Variants in PAX8 observed in about 807,000 individuals in gnomAD.
The protein encoded by PAX8 is paired box protein Pax-8.
Under a neutral mutation model 52.4 loss-of-function variants are expected in PAX8, and 15 were observed. The ratio of observed to expected loss-of-function variants is 0.29; its 90% CI spans 0.19 to 0.44. The LOEUF (loss-of-function observed/expected upper bound fraction) is 0.44, where lower values mean the gene tolerates loss of function less well. Ranked by LOEUF, PAX8 falls within the 20% of genes least tolerant of loss-of-function variation. PAX8 has a pLI of 1.00. For synonymous variants in PAX8, 284 were observed against 249.7 expected (o/e 1.14, Z -1.29); for missense variants, 554 against 602.5 (o/e 0.92, Z 0.84).
chr2:113,251,380 A>AG (rs1691750366), intron 2 of PAX8, among the ~76,000 whole-genome samples: 2 of 141,822 alleles, frequency 1.4e-5, no homozygotes, highest in Non-Finnish European at 3.0e-5. Flanking sequence ...AAGTGGGGTG[A>AG]GGGGGGAAGG....
At chr2:113,250,487 T>C (rs769157978) in intron 2 of PAX8, among the ~76,000 whole-genome samples, 1 of 152,212 alleles carries the variant, frequency 6.6e-6, no homozygotes, top group Non-Finnish European at 1.5e-5. Flanking sequence ...AAATACAGAG[T>C]ACTGAGCACA....
chr2:113,275,503 C>A (rs1346441092), intron 2 of PAX8: 1 of 152,220 alleles, frequency 6.6e-6, no homozygotes, highest in Non-Finnish European at 1.5e-5. Context: ...GGCTTTAGAT[C>A]TCACATCAGG....
At chr2:113,229,157 A>G (rs1689749650) in intron 9 of PAX8, among the ~76,000 whole-genome samples, 1 of 152,180 alleles carries the variant, frequency 6.6e-6, no homozygotes, top group Admixed American at 6.5e-5. Flanking sequence ...CCCTTCCTCT[A>G]GAGGGCAGGG....
rs1223905882 is a variant in PAX8, at chr2:113,218,609, C to T, written c.1277G>A (p.Ser426Asn). Residue 426 changes from serine to asparagine, a missense_variant and splice_region_variant, in exon 12 of 12, where the codon AGT (serine) becomes AAT (asparagine). Physicochemically the swap from Ser to Asn is conservative, Grantham distance 46. Around this residue, in one of 2 missense-constraint regions of PAX8, gnomAD observed 445 missense variants for 409.9 expected, o/e 1.09. Coordinates refer to ENST00000429538, the MANE Select transcript of PAX8 (RefSeq NM_003466.4). ...AWRFPNSSLL[S>N]SPYYYSSTSR... ...TGTGGAACTGTAATAATATGGGGAACCTGGACACATTAAAAAAAAATAACA... is the reference window on the plus strand; with the variant it reads ...TGTGGAACTGTAATAATATGGGGAATCTGGACACATTAAAAAAAAATAACA... 2 of 1,550,876 alleles carry T rather than the reference C, an allele frequency of 1.3e-6. No homozygotes were observed. Among genetic ancestry groups the T allele is most frequent in the Admixed American group, 3.9e-5 (2 of 51,502 alleles).
intron 9 of PAX8, among the ~76,000 whole-genome samples, chr2:113,229,691 G>C (rs1440539615): frequency 1.3e-5 from 2 of 152,206 alleles, no homozygotes; most frequent in South Asian, 2.1e-4. Flanking sequence ...GAAATATGCA[G>C]AAGCTATACT....
intron 10 of PAX8, among the ~76,000 whole-genome samples, chr2:113,221,978 C>A (rs542395465): frequency 6.6e-6 from 1 of 151,958 alleles, no homozygotes; most frequent in Non-Finnish European, 1.5e-5. Flanking sequence ...GAAAAAAAAA[C>A]CTAAGAAATA....
intron 2 of PAX8, chr2:113,272,856 T>A (rs1693556555): frequency 6.6e-6 from 1 of 152,288 alleles, no homozygotes; most frequent in East Asian, 1.9e-4. Flanking sequence ...TCTTAGAGGG[T>A]GTTTTCAATA....
chr2:113,276,670 A>G (rs1171039562), intron 2 of PAX8: 2 of 152,146 alleles, frequency 1.3e-5, no homozygotes, highest in Non-Finnish European at 2.9e-5. Context: ...CGAAAAAAAA[A>G]AAAAGCTCAT....
intron 3 of PAX8, 34 bp from the exon 4 acceptor site, chr2:113,244,658 A>T: frequency 6.3e-7 from 1 of 1,586,652 alleles, no homozygotes; most frequent in Non-Finnish European, 8.7e-7. Flanking sequence ...GAATTACCCA[A>T]TAAGCAGGTG....
At chr2:113,273,354 T>C (rs547253388) in intron 2 of PAX8, 1 of 152,346 alleles carries the variant, frequency 6.6e-6, no homozygotes, top group African/African-American at 2.4e-5. Context: ...CAGGGAGTCT[T>C]CTTGCGGCCC....
chr2:113,249,099 T>C (rs1242272733), intron 2 of PAX8, among the ~76,000 whole-genome samples: 2 of 152,132 alleles, frequency 1.3e-5, no homozygotes, highest in Non-Finnish European at 2.9e-5. Flanking sequence ...ACACAACGGG[T>C]GAGCTTGGGC....
chr2:113,261,821 G>A (rs916505217), intron 2 of PAX8, among the ~76,000 whole-genome samples: 1 of 151,030 alleles, frequency 6.6e-6, no homozygotes, highest in African/African-American at 2.4e-5. Flanking sequence ...AAAGATTTTA[G>A]GTTTTTTTTT....
chr2:113,224,620 T>C (rs1376626308), intron 10 of PAX8, among the ~76,000 whole-genome samples: 2 of 146,460 alleles, frequency 1.4e-5, no homozygotes, highest in Non-Finnish European at 3.0e-5. Flanking sequence ...GATGACGGGA[T>C]GGATGATGAA....
chr2:113,249,851 T>C (rs997420715), intron 2 of PAX8, among the ~76,000 whole-genome samples: 3 of 152,242 alleles, frequency 2.0e-5, no homozygotes, highest in Non-Finnish European at 2.9e-5. Context: ...TGATCCCTTC[T>C]TTGACACTGC....
At chr2:113,243,558 A>C (rs1691058138) in intron 4 of PAX8, among the ~76,000 whole-genome samples, 1 of 151,856 alleles carries the variant, frequency 6.6e-6, no homozygotes. Context: ...CACCCAGTTA[A>C]TTTTTGCATT....
At chr2:113,227,109 T>A in intron 10 of PAX8, 46 bp downstream of exon 10, 1 of 1,546,342 alleles carries the variant, frequency 6.5e-7, no homozygotes, top group Admixed American at 2.0e-5. Context: ...CTTGCTCCAA[T>A]ACTTCCTCTT....
At chr2:113,233,959 C>G (rs921091110) in intron 9 of PAX8, among the ~76,000 whole-genome samples, 1 of 152,238 alleles carries the variant, frequency 6.6e-6, no homozygotes, top group African/African-American at 2.4e-5. Flanking sequence ...TGTGACAGGT[C>G]TCACACACCC....
intron 10 of PAX8, among the ~76,000 whole-genome samples, chr2:113,222,886 T>G (rs1235190146): frequency 2.0e-5 from 3 of 151,962 alleles, no homozygotes; most frequent in Non-Finnish European, 2.9e-5. Flanking sequence ...CATCCCTGTC[T>G]CATGCCTTTG....
At chr2:113,230,404 C>G (rs1352183273) in intron 9 of PAX8, 1 of 152,278 alleles carries the variant, frequency 6.6e-6, no homozygotes, top group Non-Finnish European at 1.5e-5. Flanking sequence ...TCCAGAGGTG[C>G]CCCCACGGGG....
Sources: gnomAD v4.1 joint callset for allele counts (sites outside exome capture counted in the v4.1 genomes callset) on GRCh38, gnomAD v4.1.1 for gene constraint, gnomAD v4.1.1 regional missense constraint, MANE v1.5 for transcripts, NCBI Gene and HGNC (gene_info 2026-07-23, HGNC 2026-07-21) for gene names.